MIA2: variants seen among roughly 807,000 people sequenced by gnomAD.
MIA2 encodes MIA SH3 domain ER export factor 2.
In MIA2, 127 loss-of-function variants were observed where a neutral mutation model predicts 167.8. The observed-to-expected ratio is 0.76, with a 90% confidence interval of 0.66 to 0.88. The LOEUF is 0.88. Ranked by LOEUF, MIA2 falls within the 40% of genes least tolerant of loss-of-function variation. The probability of loss-of-function intolerance (pLI) is 0.00; values close to 1 mark genes in which losing one functional copy is unlikely to be tolerated. For missense variants in MIA2, 1,690 were observed against 1,624.7 expected (o/e 1.04, Z -0.69); for synonymous variants, 552 against 541.9 (o/e 1.02, Z -0.26).
In MIA2 at chr14:39,314,733, A is replaced by G. The variant is rs768698557; in HGVS notation, c.3120-6A>G. ...TAATAGTAGAATAATTATTCGTTCCATTTAGAAAGCGAGCCAAAGATCTTG... is the reference window on the plus strand; with the variant it reads ...TAATAGTAGAATAATTATTCGTTCCGTTTAGAAAGCGAGCCAAAGATCTTG... On this transcript the variant is annotated splice_polypyrimidine_tract_variant and splice_region_variant and intron_variant, in intron 19 of 28. Transcript: ENST00000640607. 2.7e-5 allele frequency: 43 copies of G among 1,605,176 alleles called. No homozygotes were observed. Among genetic ancestry groups the G allele is most frequent in the Non-Finnish European group, 3.7e-5 (43 of 1,175,632 alleles).
At chr14:39,325,662 T>C (rs772492162) in intron 24 of MIA2, among the ~76,000 whole-genome samples, 21 of 151,194 alleles carry the variant, frequency 1.4e-4, no homozygotes, top group Non-Finnish European at 2.2e-4. Flanking sequence ...CCACCGCGCC[T>C]GGCCAAAATT....
In MIA2 at chr14:39,236,992, G is replaced by A. The variant is rs745376892; in HGVS notation, c.186G>A (p.Lys62=). ...GPDCRYLNFT[K]GEEISVYVKL... ...ACTGCCGATACCTGAACTTCACTAAGGGAGAAGAGATATCTGTTTATGTTA... is the reference window on the plus strand; with the variant it reads ...ACTGCCGATACCTGAACTTCACTAAAGGAGAAGAGATATCTGTTTATGTTA... The change falls in exon 2 of 29, where the codon AAG becomes AAA. Residue 62 remains lysine (K), a synonymous_variant. Transcript: ENST00000640607. 8 of 1,613,930 alleles carry A rather than the reference G, an allele frequency of 5.0e-6. No individual in the cohort carries two copies. The highest frequency in any genetic ancestry group is 2.2e-5 in the East Asian group (1 of 44,888).
intron 9 of MIA2, among the ~76,000 whole-genome samples, chr14:39,288,919 T>G (rs1433787482): frequency 6.6e-6 from 1 of 152,156 alleles, no homozygotes; most frequent in Admixed American, 6.5e-5. Context: ...GGTTTGTTTG[T>G]TTGTTTATTT....
intron 25 of MIA2, among the ~76,000 whole-genome samples, chr14:39,343,031 C>G (rs951638924): frequency 1.3e-5 from 2 of 152,180 alleles, no homozygotes; most frequent in African/African-American, 4.8e-5. Flanking sequence ...TCTCCAATAT[C>G]TCACCATTAC....
intron 6 of MIA2, among the ~76,000 whole-genome samples, chr14:39,259,155 C>T (rs530835908): frequency 4.6e-5 from 7 of 152,328 alleles, no homozygotes; most frequent in Admixed American, 6.5e-5. Context: ...TCTTTAGAGC[C>T]GGCAGGCAGG....
rs116124693 is a variant in MIA2 at position 39,295,940 on chromosome 14, G to A, written c.2496+911G>A. ...TGTTTTGTTTCTTGTATACTTATCC[G>A]GTTCATCTGTATGCTGTCTTCTAGA... On this transcript the variant is annotated intron_variant, in intron 13 of 28. Coordinates refer to ENST00000640607, the MANE Select transcript of MIA2 (RefSeq NM_001329214.4). Among the ~76,000 whole-genome samples, 1,017 of 152,064 alleles carry A rather than the reference G, an allele frequency of 6.7e-3. 7 individuals carry two copies. The highest frequency in any genetic ancestry group is 0.023 in the African/African-American group (965 of 41,460).
chr14:39,333,479 C>T (rs993609368), intron 25 of MIA2, among the ~76,000 whole-genome samples: 6 of 147,290 alleles, frequency 4.1e-5, no homozygotes, highest in African/African-American at 1.6e-4. Flanking sequence ...TGGGCTCTAC[C>T]TTTGCGGCTT....
chr14:39,260,539 C>T (rs1473712841), intron 6 of MIA2, among the ~76,000 whole-genome samples: 3 of 152,188 alleles, frequency 2.0e-5, no homozygotes. Flanking sequence ...CCTTTGCCCA[C>T]TTTTTGATGA....
Position 39,291,008 on chromosome 14 carries a change from C to G in MIA2, c.2131-11C>G, listed in dbSNP as rs1377675300. ...GGTAGAGTTTTTACTTGTGATGTTGCTTTGTTTCAGTATGAAGGCTATGAA... is the reference window on the plus strand; with the variant it reads ...GGTAGAGTTTTTACTTGTGATGTTGGTTTGTTTCAGTATGAAGGCTATGAA... On this transcript the variant is annotated splice_polypyrimidine_tract_variant and intron_variant, in intron 9 of 28. Transcript: ENST00000640607. 6.3e-7 allele frequency: 1 copy of G among 1,599,006 alleles called. No homozygotes were observed. The highest frequency in any genetic ancestry group is 1.1e-5 in the South Asian group (1 of 87,678).
At chr14:39,301,572 A>AG (rs2062506994) in intron 14 of MIA2, among the ~76,000 whole-genome samples, 2 of 152,234 alleles carry the variant, frequency 1.3e-5, no homozygotes, top group Admixed American at 1.3e-4. Context: ...GTCCCTCCAG[A>AG]GGAATACATG....
chr14:39,289,012 C>A (rs538667317), intron 9 of MIA2, among the ~76,000 whole-genome samples: 6 of 152,194 alleles, frequency 3.9e-5, no homozygotes, highest in African/African-American at 1.4e-4. Context: ...ATATTCCCTC[C>A]TGTTGTTTTT....
chr14:39,316,896 T>C (rs1233667303), intron 21 of MIA2, among the ~76,000 whole-genome samples: 1 of 152,086 alleles, frequency 6.6e-6, no homozygotes, highest in African/African-American at 2.4e-5. Flanking sequence ...AGACACTGAC[T>C]TGTAAAGATT....
At chr14:39,312,074 C>T (rs1171696990) in intron 18 of MIA2, among the ~76,000 whole-genome samples, 1 of 152,044 alleles carries the variant, frequency 6.6e-6, no homozygotes, top group African/African-American at 2.4e-5. Flanking sequence ...ATGATCTGCC[C>T]ACCTCTGCCT....
rs1199221672 is a variant in MIA2, at chr14:39,319,243, G to A, written c.3319G>A (p.Glu1107Lys). ...AACAGAGCTTAAATTTGAACTTTTAGAAAAAGATCCTTATGCACTCGATGT... is the reference window on the plus strand; with the variant it reads ...AACAGAGCTTAAATTTGAACTTTTAAAAAAAGATCCTTATGCACTCGATGT... ...TETELKFELL[E>K]KDPYALDVPN... Residue 1107 changes from glutamate to lysine, a missense_variant, in exon 23 of 29, where the codon GAA (glutamate) becomes AAA (lysine). Transcript: ENST00000640607. 3 of 1,571,232 alleles carry A rather than the reference G, an allele frequency of 1.9e-6. No individual in the cohort carries two copies. The highest frequency in any genetic ancestry group is 1.2e-5 in the South Asian group (1 of 82,596).
downstream of MIA2, among the ~76,000 whole-genome samples, chr14:39,355,501 G>A (rs2074499219): frequency 6.6e-6 from 1 of 152,140 alleles, no homozygotes; most frequent in Non-Finnish European, 1.5e-5. Context: ...CCTGCAAACA[G>A]GGACAATTTG....
intron 23 of MIA2, chr14:39,386,836 C>T: frequency 1.1e-6 from 1 of 915,352 alleles, no homozygotes; most frequent in Non-Finnish European, 1.8e-6. Context: ...TTCTCAGCAA[C>T]TCGTCTCTCT....
rs185413873 is a variant in MIA2, at chr14:39,298,718, A to G, written c.2497-1146A>G. Among the ~76,000 whole-genome samples, 29 of 147,652 alleles carry G rather than the reference A, an allele frequency of 2.0e-4. No individual in the cohort carries two copies. The East Asian group carries it at 5.2e-3, about 26-fold the overall frequency. Reference sequence around the variant, plus strand: ...GCTCAGTCTTCTTTTTTCTTTGCCTATTTTTTCTTATTGACATCTAAGAGC... The same window carrying G: ...GCTCAGTCTTCTTTTTTCTTTGCCTGTTTTTTCTTATTGACATCTAAGAGC... On this transcript the variant is annotated intron_variant, in intron 13 of 28. Coordinates refer to ENST00000640607, the MANE Select transcript of MIA2 (RefSeq NM_001329214.4).
At chr14:39,238,811 A>AAAACAAAACAAAACAAAAAAC in intron 2 of MIA2, among the ~76,000 whole-genome samples, 5 of 103,630 alleles carry the variant, frequency 4.8e-5, no homozygotes, top group African/African-American at 2.0e-4. Flanking sequence ...AAAAAAAAAA[A>AAAACAAAACAAAACAAAAAAC]CCCAAAAAAC....
chr14:39,331,238 G>A (rs1237794694), intron 25 of MIA2, among the ~76,000 whole-genome samples: 1 of 151,966 alleles, frequency 6.6e-6, no homozygotes, highest in East Asian at 1.9e-4. Context: ...TTTGATCTTT[G>A]TTGGTTTCAA....
Sources: allele counts gnomAD v4.1 joint callset (sites outside exome capture counted in the v4.1 genomes callset), GRCh38; gene constraint gnomAD v4.1.1; transcripts MANE v1.5; gene names NCBI Gene and HGNC (gene_info 2026-07-23, HGNC 2026-07-21).